The following ADAMTSL3 variants were observed in gnomAD, a reference collection of about 807,000 sequenced individuals.
ADAMTSL3 encodes ADAMTS-like protein 3.
Under a neutral mutation model 201.7 loss-of-function variants are expected in ADAMTSL3, and 128 were observed. The observed-to-expected ratio is 0.63, with a 90% CI of 0.55 to 0.73. ADAMTSL3 has a LOEUF of 0.73. Ranked by LOEUF, ADAMTSL3 falls within the 30% of genes least tolerant of loss-of-function variation. ADAMTSL3 has a pLI of 0.00. For missense variants in ADAMTSL3, 1,990 were observed against 2,119.6 expected, an observed-to-expected ratio of 0.94 and a Z score of 1.20; for synonymous variants, 738 against 748.4, an observed-to-expected ratio of 0.99 and a Z score of 0.23.
intron 8 of ADAMTSL3, among the ~76,000 whole-genome samples, chr15:83,863,447 C>T (rs2064909231): frequency 6.6e-6 from 1 of 152,218 alleles, no homozygotes; most frequent in African/African-American, 2.4e-5. Context: ...AACTAGAACT[C>T]AGGATTAAGA....
Position 83,943,019 on chromosome 15 carries a change from G to T in ADAMTSL3, c.2427G>T (p.Ser809=), listed in dbSNP as rs756059442. The T allele has an allele frequency of 6.2e-7, 1 of 1,614,084 alleles. No homozygotes were observed. The highest frequency in any genetic ancestry group is 8.5e-7 in the Non-Finnish European group (1 of 1,179,956). Residue 809 remains serine, a synonymous_variant, in exon 19 of 30, where the codon TCG becomes TCT. Coordinates refer to ENST00000286744, the MANE Select transcript of ADAMTSL3 (RefSeq NM_207517.3). ...AATTGTGCCAAGGACCCAAGGCATC[G>T]TCTCACAAGTCCTGTGCCAGGACAG... The part of the protein sequence containing the change: ...SDELCQGPKA[S]SHKSCARTDC...
At chr15:83,894,431 ATGT>A (rs1252098961) in intron 13 of ADAMTSL3, among the ~76,000 whole-genome samples, 2 of 152,248 alleles carry the variant, frequency 1.3e-5, no homozygotes, top group African/African-American at 4.8e-5. Context: ...TCATTTCAAC[ATGT>A]TGTGAATGTT....
chr15:83,956,920 C>G (rs2066873481), intron 19 of ADAMTSL3, among the ~76,000 whole-genome samples: 2 of 152,076 alleles, frequency 1.3e-5, no homozygotes, highest in South Asian at 4.1e-4. Context: ...TGTTGATTAC[C>G]CTAGGCACCA....
chr15:84,018,284 A>T (rs1477502428), intron 25 of ADAMTSL3, among the ~76,000 whole-genome samples: 1 of 152,192 alleles, frequency 6.6e-6, no homozygotes, highest in Non-Finnish European at 1.5e-5. Context: ...CCTTCAAAGG[A>T]TCCTTAGCTT....
In ADAMTSL3 at chr15:83,931,137, G is replaced by A. The variant is rs552501500; in HGVS notation, c.2117+7104G>A. Among the ~76,000 whole-genome samples the A allele has an allele frequency of 1.2e-3, 183 of 152,306 alleles. 1 individual carries two copies. Among genetic ancestry groups the A allele is most frequent in the South Asian group, 2.3e-3 (11 of 4,830 alleles). On this transcript the variant is annotated intron_variant, in intron 17 of 29. Transcript: ENST00000286744. ...TCCAGGAGAGAGCCAGCAGCTTGTA[G>A]AAGCATGCTGGGTTACATAATGGTC...
At chr15:83,938,573 T>G (rs1270351639) in intron 17 of ADAMTSL3, among the ~76,000 whole-genome samples, 1 of 152,264 alleles carries the variant, frequency 6.6e-6, no homozygotes, top group African/African-American at 2.4e-5. Flanking sequence ...TAATTTTTTG[T>G]TATGGTTACA....
intron 23 of ADAMTSL3, among the ~76,000 whole-genome samples, chr15:84,013,137 C>G (rs1191394828): frequency 6.6e-6 from 1 of 152,188 alleles, no homozygotes; most frequent in East Asian, 1.9e-4. Context: ...ACAGTTTCCT[C>G]CAAAGCCACA....
At chr15:83,827,928 G>C (rs2064061982) in intron 6 of ADAMTSL3, among the ~76,000 whole-genome samples, 2 of 152,154 alleles carry the variant, frequency 1.3e-5, no homozygotes, top group Non-Finnish European at 2.9e-5. Flanking sequence ...TAGCCTTGTA[G>C]TATAGTTTGA....
chr15:83,821,175 A>AT (rs959777694), intron 6 of ADAMTSL3, among the ~76,000 whole-genome samples: 26 of 147,272 alleles, frequency 1.8e-4, no homozygotes, highest in South Asian at 4.3e-4. Flanking sequence ...TCTGAAAAAT[A>AT]TTTTTTTTTT....
intron 3 of ADAMTSL3, among the ~76,000 whole-genome samples, chr15:83,715,626 T>A (rs148838351): frequency 6.6e-6 from 1 of 152,346 alleles, no homozygotes; most frequent in African/African-American, 2.4e-5. Flanking sequence ...CTCTGCAGCC[T>A]GGCACACAGT....
chr15:83,881,533 A>G (rs1233181670), intron 9 of ADAMTSL3, among the ~76,000 whole-genome samples: 1 of 152,186 alleles, frequency 6.6e-6, no homozygotes, highest in African/African-American at 2.4e-5. Context: ...CTGGCATGGT[A>G]GTTTTCTGAT....
At chr15:83,893,986 A>G (rs2065561642) in intron 13 of ADAMTSL3, among the ~76,000 whole-genome samples, 2 of 152,226 alleles carry the variant, frequency 1.3e-5, no homozygotes, top group Non-Finnish European at 2.9e-5. Context: ...GTCAGCTACC[A>G]TACTAAGAAG....
At chr15:84,036,345 C>T (rs2068504881) in intron 28 of ADAMTSL3, among the ~76,000 whole-genome samples, 3 of 152,192 alleles carry the variant, frequency 2.0e-5, no homozygotes, top group South Asian at 4.1e-4. Context: ...GAAAGTCATA[C>T]ACCGCAGTAT....
intron 6 of ADAMTSL3, among the ~76,000 whole-genome samples, chr15:83,823,517 A>G (rs1393303249): frequency 2.6e-5 from 4 of 152,120 alleles, no homozygotes; most frequent in Non-Finnish European, 5.9e-5. Context: ...TTCAACCCAC[A>G]CATTTGATCC....
At chr15:83,889,670 G>A (rs922451957) in intron 10 of ADAMTSL3, among the ~76,000 whole-genome samples, 4 of 152,264 alleles carry the variant, frequency 2.6e-5, no homozygotes, top group East Asian at 1.9e-4. Flanking sequence ...GCACAGTGCC[G>A]TGGTGACAAT....
chr15:83,765,107 A>G (rs747186841), intron 3 of ADAMTSL3, among the ~76,000 whole-genome samples: 1 of 152,216 alleles, frequency 6.6e-6, no homozygotes, highest in Non-Finnish European at 1.5e-5. Flanking sequence ...ACACAGAGGT[A>G]CGGAGCATTT....
intron 13 of ADAMTSL3, among the ~76,000 whole-genome samples, chr15:83,896,371 A>G (rs2065614663): frequency 6.6e-6 from 1 of 152,180 alleles, no homozygotes; most frequent in Non-Finnish European, 1.5e-5. Context: ...ATAAAACACA[A>G]ATATTGAGTA....
intron 23 of ADAMTSL3, among the ~76,000 whole-genome samples, chr15:83,991,804 A>G (rs1045129418): frequency 1.5e-4 from 23 of 152,294 alleles, no homozygotes; most frequent in Middle Eastern, 3.4e-3. Context: ...TGACACTTTC[A>G]GTCTGACTTT....
At chr15:83,680,651 T>A (rs1290764567) in intron 2 of ADAMTSL3, among the ~76,000 whole-genome samples, 1 of 151,962 alleles carries the variant, frequency 6.6e-6, no homozygotes, top group Admixed American at 6.6e-5. Flanking sequence ...AATCATCTTT[T>A]ATAATTTTTG....
Sources: gnomAD v4.1 joint callset for allele counts (sites outside exome capture counted in the v4.1 genomes callset) on GRCh38, gnomAD v4.1.1 for gene constraint, MANE v1.5 for transcripts, NCBI Gene and HGNC (gene_info 2026-07-23, HGNC 2026-07-21) for gene names.